Variants in COA1 observed in about 807,000 individuals in gnomAD.
COA1 encodes the protein cytochrome c oxidase assembly factor 1.
Under a neutral mutation model 16.0 loss-of-function variants are expected in COA1, and 13 were observed. The observed-to-expected ratio is 0.81, with a 90% CI of 0.53 to 1.29. The LOEUF (loss-of-function observed/expected upper bound fraction) is 1.29, where lower values mean the gene tolerates loss of function less well. COA1 is among the 50% of genes most tolerant of loss of function. The probability of loss-of-function intolerance (pLI) is 0.00; values close to 1 mark genes in which losing one functional copy is unlikely to be tolerated. For missense variants in COA1, 179 were observed against 177.0 expected (o/e 1.01, Z -0.06); for synonymous variants, 65 against 65.7 (o/e 0.99, Z 0.05).
At chr7:43,723,737 G>A (rs139324196) in intron 1 of COA1, among the ~76,000 whole-genome samples, 212 of 152,090 alleles carry the variant, frequency 1.4e-3, no homozygotes, top group African/African-American at 4.9e-3. Flanking sequence ...GCCCAGCCTG[G>A]GCAACATGGC....
At chr7:43,666,105 ACATCTTTTAGCT>A (rs1418501234) in intron 1 of COA1, among the ~76,000 whole-genome samples, 3 of 152,198 alleles carry the variant, frequency 2.0e-5, no homozygotes, top group African/African-American at 7.2e-5. Flanking sequence ...AGCCATCTGG[ACATCTTTTAGCT>A]CATCTTTTAG....
intron 1 of COA1, among the ~76,000 whole-genome samples, chr7:43,683,259 T>C (rs937197884): frequency 9.2e-5 from 14 of 152,152 alleles, no homozygotes; most frequent in African/African-American, 2.9e-4. Flanking sequence ...TTTTTTTTCC[T>C]TTTTACATAT....
At chr7:43,628,659 C>A (rs1047293070) in intron 6 of COA1, among the ~76,000 whole-genome samples, 1 of 152,088 alleles carries the variant, frequency 6.6e-6, no homozygotes, top group African/African-American at 2.4e-5. Context: ...GGATATGTGG[C>A]GGTATCTCAT....
chr7:43,646,538 G>C, intron 3 of COA1: 1 of 456,518 alleles, frequency 2.2e-6, no homozygotes, highest in Non-Finnish European at 4.4e-6. Context: ...ATTCAACCCA[G>C]GCAGTCGGCT....
downstream of COA1, among the ~76,000 whole-genome samples, chr7:43,637,372 T>C (rs961292149): frequency 1.3e-5 from 2 of 152,172 alleles, no homozygotes; most frequent in Admixed American, 1.3e-4. Flanking sequence ...CTGTGATCCC[T>C]CTCCTGCAGT....
intron 1 of COA1, among the ~76,000 whole-genome samples, chr7:43,691,065 A>C (rs867025631): frequency 1.5e-5 from 2 of 134,678 alleles, no homozygotes; most frequent in Non-Finnish European, 3.1e-5. Flanking sequence ...AAAAAAAAAA[A>C]AAAAAAAAAA....
intron 1 of COA1, among the ~76,000 whole-genome samples, chr7:43,674,976 G>T (rs1182629441): frequency 6.6e-6 from 1 of 152,144 alleles, no homozygotes; most frequent in Non-Finnish European, 1.5e-5. Flanking sequence ...ATTACACTTT[G>T]TGTTTTTCTT....
chr7:43,717,810 G>T (rs1228702943), intron 1 of COA1, among the ~76,000 whole-genome samples: 1 of 152,166 alleles, frequency 6.6e-6, no homozygotes, highest in Admixed American at 6.5e-5. Context: ...TGAATCATGG[G>T]GGCGGTTTCC....
intron 1 of COA1, among the ~76,000 whole-genome samples, chr7:43,717,542 G>A (rs998072055): frequency 8.5e-5 from 13 of 152,110 alleles, no homozygotes; most frequent in Non-Finnish European, 1.5e-4. Context: ...TTGATTTTAC[G>A]GGCTTATAGG....
intron 1 of COA1, among the ~76,000 whole-genome samples, chr7:43,662,162 T>C (rs1187335460): frequency 6.6e-6 from 1 of 152,264 alleles, no homozygotes; most frequent in Non-Finnish European, 1.5e-5. Context: ...GCTATTAACA[T>C]GAAAAAGCTA....
chr7:43,624,523 G>A (rs772088806), intron 6 of COA1: 4 of 1,610,056 alleles, frequency 2.5e-6, no homozygotes, highest in Non-Finnish European at 3.4e-6. Flanking sequence ...TACAGAGATC[G>A]AGCCACTGCT....
At chr7:43,618,328 C>G (rs9655446) in intron 6 of COA1, among the ~76,000 whole-genome samples, 29,115 of 152,014 alleles carry the variant, frequency 0.19, 3,011 homozygotes, top group East Asian at 0.31. Flanking sequence ...ATCTGTCAGG[C>G]AGAAAAGGGG....
chr7:43,669,983 A>T (rs555757077), intron 1 of COA1, among the ~76,000 whole-genome samples: 2 of 152,242 alleles, frequency 1.3e-5, no homozygotes, highest in East Asian at 3.9e-4. Flanking sequence ...TTAAGTACCA[A>T]ATAGAAATCT....
intron 1 of COA1, among the ~76,000 whole-genome samples, chr7:43,717,604 G>A (rs1162563003): frequency 6.6e-6 from 1 of 152,080 alleles, no homozygotes; most frequent in Non-Finnish European, 1.5e-5. Flanking sequence ...GAACTTTTGG[G>A]TTAATGCTGA....
At chr7:43,681,724 G>A (rs2093777469) in intron 1 of COA1, among the ~76,000 whole-genome samples, 7 of 152,196 alleles carry the variant, frequency 4.6e-5, no homozygotes, top group Admixed American at 3.9e-4. Context: ...TAAGCAGGCA[G>A]TACAACCAAG....
intron 3 of COA1, 96 bp downstream of exon 3, chr7:43,647,439 C>G (rs764900203): frequency 6.2e-5 from 56 of 898,026 alleles, no homozygotes; most frequent in Non-Finnish European, 8.6e-5. Flanking sequence ...CCTCCTTTCT[C>G]TAATCTAAAC....
chr7:43,652,326 C>T (rs576082587), intron 1 of COA1, among the ~76,000 whole-genome samples: 1 of 152,280 alleles, frequency 6.6e-6, no homozygotes, highest in South Asian at 2.1e-4. Context: ...ACATGGCTGG[C>T]CTGGCTTGTC....
chr7:43,663,416 T>C (rs746891068), intron 1 of COA1, among the ~76,000 whole-genome samples: 3 of 152,216 alleles, frequency 2.0e-5, no homozygotes, highest in African/African-American at 2.4e-5. Context: ...TCAATCCTTG[T>C]GACAATACCA....
Position 43,647,637 on chromosome 7 carries a change from TAAAAAC to T in COA1, c.16-9_16-4del. 2 of 1,606,942 alleles carry T rather than the reference TAAAAAC, an allele frequency of 1.2e-6. No individual in the cohort carries two copies. Among genetic ancestry groups the T allele is most frequent in the Non-Finnish European group, 1.7e-6 (2 of 1,174,284 alleles). On this transcript the variant is annotated splice_region_variant and splice_polypyrimidine_tract_variant and intron_variant, in intron 2 of 5. Transcript: ENST00000223336. ...ATTGACCGCCTGCTTCCTGCATACT[TAAAAAC>T]AAAAGATACAAATTTATTGTAGGAT...
Sources: allele counts gnomAD v4.1 joint callset (sites outside exome capture counted in the v4.1 genomes callset), GRCh38; gene constraint gnomAD v4.1.1; transcripts MANE v1.5; gene names NCBI Gene and HGNC (gene_info 2026-07-23, HGNC 2026-07-21).